Variants in SDK1 observed in about 807,000 individuals in gnomAD.
SDK1 encodes the protein protein sidekick-1.
In SDK1, 157 loss-of-function variants were observed where a neutral mutation model predicts 245.5. The ratio of observed to expected loss-of-function variants is 0.64; its 90% CI spans 0.56 to 0.73. The LOEUF is 0.73. Ranked by LOEUF, SDK1 falls within the 30% of genes least tolerant of loss-of-function variation. The pLI, the probability that SDK1 is intolerant of heterozygous loss-of-function variation, is 0.00. For missense variants in SDK1, 3,583 were observed against 3,002.3 expected (o/e 1.19, Z -4.52); for synonymous variants, 1,647 against 1,278.5 (o/e 1.29, Z -6.15).
At chr7:4,207,419 T>C (rs906318825) in intron 36 of SDK1, among the ~76,000 whole-genome samples, 6 of 152,160 alleles carry the variant, frequency 3.9e-5, no homozygotes, top group African/African-American at 7.2e-5. Context: ...CTTTAAACCT[T>C]TGTGCTTGGG....
intron 4 of SDK1, among the ~76,000 whole-genome samples, chr7:3,718,507 G>A (rs1411717148): frequency 6.7e-6 from 1 of 149,554 alleles, no homozygotes; most frequent in Non-Finnish European, 1.5e-5. Context: ...GGGTGACAAA[G>A]CAAAACTGTA....
intron 25 of SDK1, among the ~76,000 whole-genome samples, chr7:4,119,766 G>C (rs1783944839): frequency 6.7e-6 from 1 of 148,820 alleles, no homozygotes; most frequent in African/African-American, 2.5e-5. Flanking sequence ...CCTTTTTAAA[G>C]ATGAATCACA....
intron 23 of SDK1, among the ~76,000 whole-genome samples, chr7:4,112,336 C>G (rs1783403062): frequency 6.6e-6 from 1 of 152,158 alleles, no homozygotes; most frequent in Non-Finnish European, 1.5e-5. Flanking sequence ...CTGCATTGAT[C>G]TCAGTGAGCA....
At chr7:3,505,092 A>T (rs1266368847) in intron 1 of SDK1, among the ~76,000 whole-genome samples, 1 of 152,270 alleles carries the variant, frequency 6.6e-6, no homozygotes, top group East Asian at 1.9e-4. Context: ...TACTTAAAAA[A>T]TATAGCTTGT....
At chr7:3,628,432 T>C (rs950083270) in intron 2 of SDK1, among the ~76,000 whole-genome samples, 1 of 152,148 alleles carries the variant, frequency 6.6e-6, no homozygotes, top group African/African-American at 2.4e-5. Context: ...CTTCAGTTTG[T>C]CCTAAGGACA....
intron 17 of SDK1, among the ~76,000 whole-genome samples, chr7:4,042,664 G>A (rs920419694): frequency 1.1e-5 from 1 of 91,796 alleles, no homozygotes; most frequent in Non-Finnish European, 2.0e-5. Context: ...AGTCTGAGCA[G>A]CGGGAGGCCA....
chr7:3,982,296 G>T (rs1783469111), intron 13 of SDK1, among the ~76,000 whole-genome samples: 1 of 152,180 alleles, frequency 6.6e-6, no homozygotes, highest in South Asian at 2.1e-4. Context: ...TACTGCTTAT[G>T]GACAGTGCAC....
chr7:3,738,511 A>G (rs1386557228), intron 4 of SDK1, among the ~76,000 whole-genome samples: 1 of 152,124 alleles, frequency 6.6e-6, no homozygotes, highest in Admixed American at 6.5e-5. Flanking sequence ...CTTTTGCAAG[A>G]TTGTTTTGGC....
chr7:3,536,614 A>G (rs1778894630), intron 1 of SDK1, among the ~76,000 whole-genome samples: 1 of 152,028 alleles, frequency 6.6e-6, no homozygotes, highest in Non-Finnish European at 1.5e-5. Context: ...GAATTGCTCG[A>G]ACGTGGGAGA....
intron 4 of SDK1, among the ~76,000 whole-genome samples, chr7:3,684,588 T>C (rs972915766): frequency 1.3e-5 from 2 of 152,218 alleles, no homozygotes; most frequent in African/African-American, 4.8e-5. Flanking sequence ...GGGATATACC[T>C]GAAGACCATT....
chr7:3,509,022 C>T (rs1361988299), intron 1 of SDK1, among the ~76,000 whole-genome samples: 2 of 152,040 alleles, frequency 1.3e-5, no homozygotes, highest in Admixed American at 1.3e-4. Context: ...AGCAGGCAGG[C>T]AGCAGTTGTG....
In SDK1 at chr7:3,573,881, G is replaced by A. The variant is rs1181758720; in HGVS notation, c.299-45199G>A. ...TCATTAAAAAATAAATAAATAAACT[G>A]AATGTGTAATTAAGCACTATGTTTT... On this transcript the variant is annotated intron_variant, in intron 1 of 44. Transcript: ENST00000404826. Among the ~76,000 whole-genome samples the A allele has an allele frequency of 2.6e-5, 4 of 151,894 alleles. 1 individual carries two copies. The highest frequency in any genetic ancestry group is 5.9e-5 in the Non-Finnish European group (4 of 67,930).
chr7:3,563,234 A>C (rs1398860217), intron 1 of SDK1, among the ~76,000 whole-genome samples: 1 of 152,208 alleles, frequency 6.6e-6, no homozygotes, highest in Non-Finnish European at 1.5e-5. Context: ...AAAATACAGT[A>C]AATGGAAAAT....
chr7:3,302,033 C>T (rs1234414059), intron 1 of SDK1, 149 bp downstream of exon 1: 3 of 477,638 alleles, frequency 6.3e-6, no homozygotes, highest in South Asian at 9.3e-5. Context: ...CCAGGGGCTC[C>T]TCCACGCCAG....
chr7:3,476,069 A>G (rs201675977), intron 1 of SDK1: 3 of 152,538 alleles, frequency 2.0e-5, no homozygotes, highest in Non-Finnish European at 2.9e-5. Flanking sequence ...TTAAAACTCA[A>G]TTTAAAACCT....
At chr7:3,971,736 T>C (rs1782503627) in intron 12 of SDK1, among the ~76,000 whole-genome samples, 168 bp downstream of exon 12, 1 of 152,220 alleles carries the variant, frequency 6.6e-6, no homozygotes, top group Non-Finnish European at 1.5e-5. Context: ...GCAAATCCCA[T>C]TTTCCACTCC....
At chr7:3,358,221 C>T (rs1780858859) in intron 1 of SDK1, among the ~76,000 whole-genome samples, 2 of 152,042 alleles carry the variant, frequency 1.3e-5, no homozygotes, top group Admixed American at 6.6e-5. Context: ...AGGGTTTCAC[C>T]ATGTTGGCCA....
In SDK1 at chr7:4,201,567, A is replaced by G. The variant is rs17134517; in HGVS notation, c.5099-4312A>G. On this transcript the variant is annotated intron_variant, in intron 35 of 44. Coordinates refer to ENST00000404826, the MANE Select transcript of SDK1 (RefSeq NM_152744.4). ...CCCAAACAGTCAGTCAATGGGCTAC[A>G]GAAACTGAAAGTAGAAATCTGGCAT... is the stretch of plus-strand genomic sequence containing the variant. Among the ~76,000 whole-genome samples, 1,501 of 152,384 alleles carry G rather than the reference A, an allele frequency of 9.9e-3. 23 individuals carry two copies. Among genetic ancestry groups the G allele is most frequent in the African/African-American group, 0.035 (1,447 of 41,592 alleles).
intron 1 of SDK1, among the ~76,000 whole-genome samples, chr7:3,618,300 C>G (rs1013844407): frequency 6.6e-6 from 1 of 152,168 alleles, no homozygotes. Context: ...ACCTTCACCC[C>G]CGTCGCTATC....
Sources: gnomAD v4.1 joint callset for allele counts (sites outside exome capture counted in the v4.1 genomes callset) on GRCh38, gnomAD v4.1.1 for gene constraint, MANE v1.5 for transcripts, NCBI Gene and HGNC (gene_info 2026-07-23, HGNC 2026-07-21) for gene names.